CAMK2G: variants seen among roughly 807,000 people sequenced by gnomAD.
The protein encoded by CAMK2G is calcium/calmodulin dependent protein kinase II gamma, also known as calcium/calmodulin-dependent protein kinase type II subunit gamma.
Under a neutral mutation model 88.7 loss-of-function variants are expected in CAMK2G, and 23 were observed. The ratio of observed to expected loss-of-function variants is 0.26; its 90% CI spans 0.19 to 0.37. CAMK2G has a LOEUF of 0.37. Among genes scored for constraint, CAMK2G ranks in the 10% least tolerant of loss-of-function variants. The pLI is 1.00. For missense variants in CAMK2G, 476 were observed against 780.8 expected (o/e 0.61, Z 4.65); for synonymous variants, 263 against 294.8 (o/e 0.89, Z 1.11).
chr10:73,835,395 T>C (rs1435502412), intron 14 of CAMK2G, among the ~76,000 whole-genome samples: 2 of 151,778 alleles, frequency 1.3e-5, no homozygotes, highest in African/African-American at 4.8e-5. Flanking sequence ...TCCCTGGGCT[T>C]AGGCAATTCT....
chr10:73,838,256 C>T (rs1269546157), intron 13 of CAMK2G, among the ~76,000 whole-genome samples: 1 of 152,212 alleles, frequency 6.6e-6, no homozygotes, highest in Admixed American at 6.5e-5. Flanking sequence ...AGGAAGGTAG[C>T]AGACAGTGGG....
At chr10:73,835,430 G>T (rs1359780084) in intron 14 of CAMK2G, among the ~76,000 whole-genome samples, 1 of 151,160 alleles carries the variant, frequency 6.6e-6, no homozygotes, top group African/African-American at 2.4e-5. Context: ...CCAAGTAGCT[G>T]TGACTACAGA....
chr10:73,850,143 G>A (rs1490549668), intron 5 of CAMK2G, among the ~76,000 whole-genome samples: 1 of 152,072 alleles, frequency 6.6e-6, no homozygotes, highest in Non-Finnish European at 1.5e-5. Flanking sequence ...CCACAAGCAT[G>A]AGCCACCGTG....
At position 73,852,303 on chromosome 10, in the gene CAMK2G, G is replaced by A. The variant is rs777102860; in HGVS notation, c.292C>T (p.Leu98=). 106 of 1,613,836 alleles carry A rather than the reference G, an allele frequency of 6.6e-5. 2 individuals carry two copies. The East Asian group carries it at 2.3e-3, about 35-fold the overall frequency. ...TCTCTGGCCACAATGTCTTCAAACA[G>A]CTCCCCGCCGGTAACACTGCAACCA... ...LVFDLVTGGE[L]FEDIVAREYY... is the part of the protein sequence containing the mutation. Residue 98 remains leucine (L), a synonymous_variant, in exon 5 of 23, where the codon CTG becomes TTG. Coordinates refer to ENST00000423381, the MANE Select transcript of CAMK2G (RefSeq NM_001367534.1).
At chr10:73,854,077 C>T (rs2094844079) in intron 3 of CAMK2G, among the ~76,000 whole-genome samples, 1 of 152,184 alleles carries the variant, frequency 6.6e-6, no homozygotes, top group Admixed American at 6.5e-5. Context: ...GATGTGAATC[C>T]AGTGCTACCT....
chr10:73,829,967 C>A (rs934530473), intron 14 of CAMK2G, among the ~76,000 whole-genome samples: 1 of 152,186 alleles, frequency 6.6e-6, no homozygotes, highest in Admixed American at 6.5e-5. Context: ...TCTGCGTAGG[C>A]ACTCACTCAC....
At chr10:73,871,994 T>C (rs948287939) in intron 2 of CAMK2G, among the ~76,000 whole-genome samples, 1 of 152,150 alleles carries the variant, frequency 6.6e-6, no homozygotes, top group African/African-American at 2.4e-5. Flanking sequence ...GTGTCCTGGC[T>C]CCTAATATAT....
chr10:73,849,177 T>C, intron 6 of CAMK2G, 62 bp from the exon 7 acceptor site: 1 of 1,567,722 alleles, frequency 6.4e-7, no homozygotes, highest in Non-Finnish European at 8.8e-7. Flanking sequence ...GAAGCCTAGT[T>C]TGGGCCTACG....
intron 10 of CAMK2G, among the ~76,000 whole-genome samples, chr10:73,844,095 AT>A (rs879447944): frequency 2.8e-3 from 405 of 145,232 alleles, no homozygotes; most frequent in East Asian, 3.6e-3. Flanking sequence ...AAACAAAAAA[AT>A]TTTTTTTTTT....
Position 73,824,046 on chromosome 10 carries a change from C to T in CAMK2G, c.1194G>A (p.Gly398=), listed in dbSNP as rs770502506. The change falls in exon 17 of 23, where the codon GGG becomes GGA. Residue 398 remains glycine (G), a synonymous_variant. Coordinates refer to ENST00000423381, the MANE Select transcript of CAMK2G (RefSeq NM_001367534.1). ...AGGCTCAGGAGCCACTCACCTTGAT[C>T]CCATCTGTAGCGTTGTGTACCACAG... The part of the protein sequence containing the change: ...QTTVVHNATD[G]IKGSTESCNT... 1 of 1,613,110 alleles carries T rather than the reference C, an allele frequency of 6.2e-7. No individual in the cohort carries two copies. Among genetic ancestry groups the T allele is most frequent in the African/African-American group, 1.3e-5 (1 of 74,912 alleles).
In CAMK2G at chr10:73,842,371, G is replaced by A. The variant is rs2093865447; in HGVS notation, c.903+87C>T. 8 of 1,203,926 alleles carry A rather than the reference G, an allele frequency of 6.6e-6. No homozygotes were observed. The South Asian group carries it at 9.7e-5, about 15-fold the overall frequency. The allele number at this position is 1,203,926 out of a possible 1,614,324, so 74.6% of individuals were successfully genotyped here. A position where few individuals can be genotyped will look rare whatever the true frequency, so the allele number is the denominator to read the frequency against. ...CTTCAGAGCCCAGCTCCAGCCAGGA[G>A]GGGAGCTTCCTTCTGAAATGGGGCA... On this transcript the variant is annotated intron_variant, in intron 11 of 22. Coordinates refer to ENST00000423381, the MANE Select transcript of CAMK2G (RefSeq NM_001367534.1). This position sits in a 1 kb window ranked among gnomAD's most constrained non-coding sequence, Gnocchi z 4.6.
chr10:73,830,028 A>T (rs1316337093), intron 14 of CAMK2G, among the ~76,000 whole-genome samples: 1 of 152,210 alleles, frequency 6.6e-6, no homozygotes, highest in East Asian at 1.9e-4. Flanking sequence ...GTGAAAGGCC[A>T]TTGCAGGATC....
intron 3 of CAMK2G, among the ~76,000 whole-genome samples, chr10:73,860,219 T>G (rs2095308863): frequency 6.6e-6 from 1 of 152,212 alleles, no homozygotes; most frequent in African/African-American, 2.4e-5. Flanking sequence ...CTCCTCAGGC[T>G]TTAGCACAAC....
At chr10:73,834,191 T>C (rs1424854753) in intron 14 of CAMK2G, among the ~76,000 whole-genome samples, 1 of 152,214 alleles carries the variant, frequency 6.6e-6, no homozygotes, top group Non-Finnish European at 1.5e-5. Flanking sequence ...GTGCTGGGAT[T>C]ACAGGCGTGA....
rs1349690021 is a variant in CAMK2G at position 73,853,254 on chromosome 10, A to G, written c.221-8T>C. 6.2e-7 allele frequency: 1 copy of G among 1,613,226 alleles called. No homozygotes were observed. The highest frequency in any genetic ancestry group is 8.5e-7 in the Non-Finnish European group (1 of 1,179,088). ...TACTGTCATGGAGGCGCACTGCAAGAGAGGAGATGGGGACAGAGATTAACA... is the reference window on the plus strand; with the variant it reads ...TACTGTCATGGAGGCGCACTGCAAGGGAGGAGATGGGGACAGAGATTAACA... On this transcript the variant is annotated splice_region_variant and splice_polypyrimidine_tract_variant and intron_variant, in intron 3 of 22. Coordinates refer to ENST00000423381, the MANE Select transcript of CAMK2G (RefSeq NM_001367534.1).
chr10:73,849,186 C>A, intron 6 of CAMK2G, 71 bp from the exon 7 acceptor site: 2 of 1,561,888 alleles, frequency 1.3e-6, no homozygotes, highest in Middle Eastern at 1.7e-4. Flanking sequence ...TTTGGGCCTA[C>A]GCAGTACCAC....
At chr10:73,816,216 G>A (rs773961333) in intron 21 of CAMK2G, 1 of 986,788 alleles carries the variant, frequency 1.0e-6, no homozygotes, top group Non-Finnish European at 1.2e-6. Flanking sequence ...GAACTGTCCA[G>A]AATGTACACC....
chr10:73,872,269 G>A (rs1008480128), intron 2 of CAMK2G, among the ~76,000 whole-genome samples: 19 of 152,054 alleles, frequency 1.2e-4, no homozygotes, highest in African/African-American at 4.3e-4. Context: ...GATCTCGCAA[G>A]TGAGGCCCCA....
chr10:73,860,725 G>C, intron 3 of CAMK2G, 105 bp downstream of exon 3: 1 of 831,478 alleles, frequency 1.2e-6, no homozygotes, highest in Non-Finnish European at 2.1e-6. Context: ...CAGACACCAG[G>C]TGAAGGTCCA....
Sources: gnomAD v4.1 joint callset for allele counts (sites outside exome capture counted in the v4.1 genomes callset) on GRCh38, gnomAD v4.1.1 for gene constraint, Gnocchi (gnomAD v3.1) non-coding constraint, MANE v1.5 for transcripts, NCBI Gene and HGNC (gene_info 2026-07-23, HGNC 2026-07-21) for gene names.